Variants in PHKB observed in about 807,000 individuals in gnomAD.
The protein encoded by PHKB is phosphorylase b kinase regulatory subunit beta.
In PHKB, 122 loss-of-function variants were observed where a neutral mutation model predicts 152.1. The observed-to-expected ratio is 0.80, with a 90% CI of 0.69 to 0.93. The LOEUF is 0.93. Ranked by LOEUF, PHKB falls within the 40% of genes least tolerant of loss-of-function variation. The pLI, the probability that PHKB is intolerant of heterozygous loss-of-function variation, is 0.00. For synonymous variants in PHKB, 436 were observed against 464.9 expected (o/e 0.94, Z 0.80); for missense variants, 1,304 against 1,328.4 (o/e 0.98, Z 0.29).
chr16:47,506,027 CA>C (rs1198434467), intron 4 of PHKB, among the ~76,000 whole-genome samples: 1,979 of 50,270 alleles, frequency 0.039, 41 homozygotes, highest in African/African-American at 0.12. Flanking sequence ...GAAACTGTCT[CA>C]AAAAAAAAAA....
At chr16:47,635,096 G>A (rs1205870314) in intron 14 of PHKB, among the ~76,000 whole-genome samples, 2 of 152,156 alleles carry the variant, frequency 1.3e-5, no homozygotes, top group Non-Finnish European at 2.9e-5. Flanking sequence ...CAGTGGAGAA[G>A]GAGAGAAGTG....
intron 12 of PHKB, 128 bp downstream of exon 12, chr16:47,594,342 A>G: frequency 4.6e-6 from 3 of 657,756 alleles, no homozygotes; most frequent in Non-Finnish European, 8.3e-6. Flanking sequence ...GATCCCTGAT[A>G]TGAAATCAGA....
chr16:47,668,068 A>G (rs1597164225), intron 25 of PHKB, among the ~76,000 whole-genome samples: 1 of 152,354 alleles, frequency 6.6e-6, no homozygotes. Context: ...AAAAGAAATG[A>G]GAATGGAGCA....
chr16:47,666,682 G>C (rs1280573874), intron 25 of PHKB, among the ~76,000 whole-genome samples: 1 of 152,266 alleles, frequency 6.6e-6, no homozygotes, highest in Non-Finnish European at 1.5e-5. Flanking sequence ...ACCCCCAGGG[G>C]TCAGAGTCTG....
intron 7 of PHKB, among the ~76,000 whole-genome samples, chr16:47,579,236 C>A (rs1234028068): frequency 2.0e-5 from 3 of 152,042 alleles, no homozygotes; most frequent in Non-Finnish European, 4.4e-5. Flanking sequence ...TATTGTCCTG[C>A]AATAAAAGTG....
intron 26 of PHKB, among the ~76,000 whole-genome samples, chr16:47,679,422 T>A (rs1455431266): frequency 6.6e-6 from 1 of 152,222 alleles, no homozygotes; most frequent in East Asian, 1.9e-4. Flanking sequence ...TTCTTCCATT[T>A]GTTTGTGTCC....
At chr16:47,610,569 T>G (rs1413168894) in intron 13 of PHKB, among the ~76,000 whole-genome samples, 1 of 152,134 alleles carries the variant, frequency 6.6e-6, no homozygotes, top group Non-Finnish European at 1.5e-5. Flanking sequence ...TGTGAATTTA[T>G]AAGATTTCTT....
intron 4 of PHKB, among the ~76,000 whole-genome samples, chr16:47,505,159 C>T (rs1049065182): frequency 2.6e-4 from 40 of 152,144 alleles, no homozygotes; most frequent in African/African-American, 8.4e-4. Flanking sequence ...GTTTTACGAC[C>T]CAAAGGATCT....
intron 1 of PHKB, among the ~76,000 whole-genome samples, chr16:47,477,535 G>A (rs1265654349): frequency 6.6e-6 from 1 of 151,870 alleles, no homozygotes; most frequent in Non-Finnish European, 1.5e-5. Context: ...TATTTTCATA[G>A]TAAAAAAAAG....
chr16:47,652,167 G>T (rs1332336007), intron 20 of PHKB, among the ~76,000 whole-genome samples: 1 of 151,842 alleles, frequency 6.6e-6, no homozygotes, highest in Non-Finnish European at 1.5e-5. Context: ...AAGTAAAGGA[G>T]TAAAAAGTTC....
At chr16:47,556,284 G>A (rs1269788779) in intron 7 of PHKB, among the ~76,000 whole-genome samples, 1 of 152,096 alleles carries the variant, frequency 6.6e-6, no homozygotes, top group African/African-American at 2.4e-5. Context: ...TAATTGCCCT[G>A]GCCAGAACTT....
chr16:47,695,529 G>A (rs955849495), intron 28 of PHKB, among the ~76,000 whole-genome samples: 27 of 152,188 alleles, frequency 1.8e-4, no homozygotes, highest in Admixed American at 1.8e-3. Flanking sequence ...CAACTTTGCT[G>A]TCACTTGATT....
intron 16 of PHKB, 141 bp from the exon 17 acceptor site, chr16:47,648,392 T>C: frequency 1.4e-6 from 1 of 705,458 alleles, no homozygotes; most frequent in Admixed American, 1.9e-5. Context: ...TTGGTTAGCT[T>C]GTCTTCCTAC....
chr16:47,558,834 G>A (rs1157284904), intron 7 of PHKB, among the ~76,000 whole-genome samples: 1 of 152,340 alleles, frequency 6.6e-6, no homozygotes, highest in Non-Finnish European at 1.5e-5. Flanking sequence ...ACAGGCATGA[G>A]CCACTGTGCC....
At chr16:47,680,162 T>A (rs1444064026) in intron 26 of PHKB, among the ~76,000 whole-genome samples, 1 of 152,220 alleles carries the variant, frequency 6.6e-6, no homozygotes, top group Admixed American at 6.5e-5. Flanking sequence ...GTTGCTGGAT[T>A]CAGTTTGCCA....
At chr16:47,464,371 T>C (rs759767069) in intron 1 of PHKB, among the ~76,000 whole-genome samples, 1 of 152,238 alleles carries the variant, frequency 6.6e-6, no homozygotes, top group Non-Finnish European at 1.5e-5. Flanking sequence ...CCCACTTATC[T>C]GTTCTTCATC....
intron 6 of PHKB, among the ~76,000 whole-genome samples, chr16:47,525,530 C>CT (rs1173057450): frequency 1.3e-5 from 2 of 152,102 alleles, no homozygotes; most frequent in Non-Finnish European, 2.9e-5. Context: ...AAAAATAACT[C>CT]TTTTCTCCCC....
intron 1 of PHKB, among the ~76,000 whole-genome samples, chr16:47,496,972 T>G (rs1425827420): frequency 6.6e-6 from 1 of 152,144 alleles, no homozygotes; most frequent in Admixed American, 6.6e-5. Context: ...CTTGAGGGTT[T>G]GGGGGTATGA....
chr16:47,559,163 G>C (rs1053483212), intron 7 of PHKB, among the ~76,000 whole-genome samples: 1 of 152,286 alleles, frequency 6.6e-6, no homozygotes, highest in Non-Finnish European at 1.5e-5. Context: ...AAGGAAGAAA[G>C]CAAGTTAACA....
Sources: gnomAD v4.1 joint callset for allele counts (sites outside exome capture counted in the v4.1 genomes callset) on GRCh38, gnomAD v4.1.1 for gene constraint, MANE v1.5 for transcripts, NCBI Gene and HGNC (gene_info 2026-07-23, HGNC 2026-07-21) for gene names.